Variants in ZNF461 observed in about 807,000 individuals in gnomAD.
The protein encoded by ZNF461 is gonadotropin-inducible ovarian transcription factor-1.
In ZNF461, 16 loss-of-function variants were observed where a neutral mutation model predicts 18.3. That is an observed-to-expected ratio of 0.88 (90% CI 0.59 to 1.33). The LOEUF (loss-of-function observed/expected upper bound fraction) is 1.33. Ranked by LOEUF, ZNF461 falls within the 40% of genes most tolerant of loss-of-function variation. ZNF461 has a pLI of 0.00. For missense variants in ZNF461, 595 were observed against 669.9 expected (o/e 0.89, Z 1.23); for synonymous variants, 179 against 216.9 (o/e 0.83, Z 1.54).
chr19:36,651,662 T>C (rs1054967367), intron 4 of ZNF461, among the ~76,000 whole-genome samples: 4 of 152,200 alleles, frequency 2.6e-5, no homozygotes, highest in African/African-American at 7.2e-5. Flanking sequence ...AATTGTAAGA[T>C]GCTAATAAAA....
At position 36,640,001 on chromosome 19, in the gene ZNF461, C is replaced by G. The variant is rs10412527; in HGVS notation, c.344G>C (p.Arg115Thr). The G allele has an allele frequency of 7.0e-4, 1,130 of 1,612,838 alleles. 11 individuals are homozygous for G. The African/African-American group carries it at 0.013, about 19-fold the overall frequency. Reference protein sequence around the residue: ...RDEPQKLSPKRDIYETELSQW... With the variant: ...RDEPQKLSPKTDIYETELSQW... ...GGATAATTCTGTTTCATAAATATCC[C>G]TTTTTGGAGATAACTTCTGGGGCTC... The change falls in exon 6 of 6, where the codon AGG becomes ACG. Residue 115 changes from arginine to threonine, a missense_variant. Physicochemically the swap from Arg to Thr is moderately conservative, Grantham distance 71. Transcript: ENST00000588268.
At chr19:36,654,144 TAA>T (rs2037676353) in intron 4 of ZNF461, among the ~76,000 whole-genome samples, 1 of 152,096 alleles carries the variant, frequency 6.6e-6, no homozygotes, top group South Asian at 2.1e-4. Flanking sequence ...TATTTCAAAA[TAA>T]AAAGTCTTTT....
chr19:36,648,499 T>C (rs1162332443), intron 4 of ZNF461, among the ~76,000 whole-genome samples: 1 of 152,162 alleles, frequency 6.6e-6, no homozygotes, highest in Non-Finnish European at 1.5e-5. Flanking sequence ...ACACTTGTTA[T>C]GTTTTTTTTT....
chr19:36,664,688 A>G lies in ZNF461; in HGVS notation c.9+10T>C, dbSNP rs143126530. 2.1e-3 allele frequency: 3,205 copies of G among 1,521,488 alleles called. 27 individuals carry two copies. The Middle Eastern group carries it at 0.032, about 15-fold the overall frequency. 94.2% of individuals were successfully genotyped at this position (1,521,488 alleles called of 1,614,324 possible). ...GTATTGTAATTAGGAGCAAGAAAAA[A>G]CCAACTTACATGGGCCATGTCTTAT... On this transcript the variant is annotated intron_variant, in intron 2 of 5. Coordinates refer to ENST00000588268, the MANE Select transcript of ZNF461 (RefSeq NM_153257.5).
At chr19:36,649,337 TG>T (rs1428440116) in intron 4 of ZNF461, among the ~76,000 whole-genome samples, 12 of 79,956 alleles carry the variant, frequency 1.5e-4, no homozygotes, top group Admixed American at 2.5e-4. Context: ...TATTTATTTA[TG>T]TTTTTTTTTG....
intron 4 of ZNF461, among the ~76,000 whole-genome samples, chr19:36,653,604 C>A (rs1051508775): frequency 2.6e-5 from 4 of 152,098 alleles, no homozygotes; most frequent in African/African-American, 9.7e-5. Context: ...TGACAGCAGA[C>A]AGGAGAGAAT....
At chr19:36,652,711 AG>A (rs1253003908) in intron 4 of ZNF461, among the ~76,000 whole-genome samples, 1 of 152,124 alleles carries the variant, frequency 6.6e-6, no homozygotes, top group Non-Finnish European at 1.5e-5. Flanking sequence ...AAGGATAAAA[AG>A]ACAAATTACA....
chr19:36,657,389 G>A (rs889613089), intron 3 of ZNF461, among the ~76,000 whole-genome samples: 1 of 151,808 alleles, frequency 6.6e-6, no homozygotes, highest in African/African-American at 2.4e-5. Flanking sequence ...GCTGAGGCAG[G>A]AGAATTGCTT....
intron 4 of ZNF461, among the ~76,000 whole-genome samples, chr19:36,648,214 G>A (rs547730249): frequency 1.3e-5 from 2 of 150,538 alleles, no homozygotes; most frequent in African/African-American, 2.4e-5. Context: ...ACCTCCCCAC[G>A]CCCCCCACTC....
At chr19:36,643,908 T>C in intron 4 of ZNF461, 46 bp from the exon 5 acceptor site, 1 of 1,339,688 alleles carries the variant, frequency 7.5e-7, no homozygotes. Flanking sequence ...GAATAATATT[T>C]TATTATACAA....
intron 4 of ZNF461, among the ~76,000 whole-genome samples, chr19:36,646,795 C>A (rs1304068010): frequency 2.8e-5 from 4 of 140,958 alleles, no homozygotes; most frequent in Non-Finnish European, 6.1e-5. Flanking sequence ...CCACTTTTCA[C>A]AATAACTATT....
intron 2 of ZNF461, among the ~76,000 whole-genome samples, chr19:36,660,148 C>CTTTTTTT (rs35264079): frequency 8.4e-6 from 1 of 118,538 alleles, no homozygotes; most frequent in Non-Finnish European, 1.7e-5. Flanking sequence ...TCTCTAAAAT[C>CTTTTTTT]TTTTTTTTTT....
At chr19:36,655,965 C>T (rs1390779234) in intron 4 of ZNF461, among the ~76,000 whole-genome samples, 2 of 148,504 alleles carry the variant, frequency 1.3e-5, no homozygotes, top group African/African-American at 4.9e-5. Flanking sequence ...GGGTTTATTT[C>T]TGGGCTTTCT....
In ZNF461 at chr19:36,664,702, G is replaced by A; in HGVS notation, c.5C>T (p.Ala2Val). The change falls in exon 2 of 6, where the codon GCC becomes GTC. Residue 2 changes from alanine (A) to valine (V), a missense_variant. Transcript: ENST00000588268. Reference sequence around the variant, plus strand: ...AGCAAGAAAAAACCAACTTACATGGGCCATGTCTTATTTTAGAATTGAATG... The same window carrying A: ...AGCAAGAAAAAACCAACTTACATGGACCATGTCTTATTTTAGAATTGAATG... MAHELVMFRDVA... is the reference protein window; with the variant it reads MVHELVMFRDVA... The A allele has an allele frequency of 6.6e-7, 1 of 1,505,238 alleles. No homozygotes were observed. Among genetic ancestry groups the A allele is most frequent in the African/African-American group, 1.4e-5 (1 of 69,312 alleles). 93.2% of individuals were successfully genotyped at this position (1,505,238 alleles called of 1,614,324 possible). A position where few individuals can be genotyped will look rare whatever the true frequency, so the allele number is the denominator to read the frequency against.
chr19:36,642,405 T>C (rs2037441820), intron 5 of ZNF461, among the ~76,000 whole-genome samples: 1 of 152,106 alleles, frequency 6.6e-6, no homozygotes, highest in African/African-American at 2.4e-5. Flanking sequence ...CTTGGGACTG[T>C]AACAGCTGTG....
intron 4 of ZNF461, among the ~76,000 whole-genome samples, chr19:36,648,743 C>A (rs1174855227): frequency 6.6e-6 from 1 of 152,092 alleles, no homozygotes; most frequent in Non-Finnish European, 1.5e-5. Context: ...CCATGCCTGG[C>A]TAATTTTTGT....
At position 36,639,400 on chromosome 19, in the gene ZNF461, C is replaced by G. The variant is rs878900503; in HGVS notation, c.945G>C (p.Gln315His). The G allele has an allele frequency of 1.2e-6, 2 of 1,611,646 alleles. No homozygotes were observed. The highest frequency in any genetic ancestry group is 4.5e-5 in the East Asian group (2 of 44,612). ...ECGKAFRQRSQLTQHQRLHTG... is the reference protein window; with the variant it reads ...ECGKAFRQRSHLTQHQRLHTG... Reference sequence around the variant, plus strand: ...TATGAAGTCTCTGATGTTGAGTAAGCTGTGATCGCTGTCTAAAGGCCTTCC... The same window carrying G: ...TATGAAGTCTCTGATGTTGAGTAAGGTGTGATCGCTGTCTAAAGGCCTTCC... Residue 315 changes from glutamine to histidine, a missense_variant, in exon 6 of 6, where the codon CAG (glutamine) becomes CAC (histidine). Coordinates refer to ENST00000588268, the MANE Select transcript of ZNF461 (RefSeq NM_153257.5).
At chr19:36,649,386 A>C (rs1383529792) in intron 4 of ZNF461, among the ~76,000 whole-genome samples, 1 of 152,108 alleles carries the variant, frequency 6.6e-6, no homozygotes, top group Non-Finnish European at 1.5e-5. Context: ...GCTGGAGTGC[A>C]ATGGCATAAT....
intron 5 of ZNF461, among the ~76,000 whole-genome samples, chr19:36,641,705 C>T (rs1260760740): frequency 6.6e-6 from 1 of 151,698 alleles, no homozygotes; most frequent in Non-Finnish European, 1.5e-5. Flanking sequence ...AGAAACAATA[C>T]AAAGATAACA....
Sources: allele counts gnomAD v4.1 joint callset (sites outside exome capture counted in the v4.1 genomes callset), GRCh38; gene constraint gnomAD v4.1.1; transcripts MANE v1.5; gene names NCBI Gene and HGNC (gene_info 2026-07-23, HGNC 2026-07-21).